NR2F1-AS1: variants seen among roughly 807,000 people sequenced by gnomAD.
NR2F1-AS1 encodes the protein NR2F1 regulatory antisense RNA 1, also known as NR2F1 antisense RNA 1.
chr5:93,561,222 G>A (rs944349134), intron 2 of NR2F1-AS1, among the ~76,000 whole-genome samples: 1 of 145,698 alleles, frequency 6.9e-6, no homozygotes, highest in Non-Finnish European at 1.5e-5. Context: ...GCGGTAAGCC[G>A]AGATCGCACA....
intron 4 of NR2F1-AS1, among the ~76,000 whole-genome samples, chr5:93,469,424 T>C (rs896479131): frequency 2.6e-5 from 4 of 152,138 alleles, no homozygotes; most frequent in Non-Finnish European, 5.9e-5. Flanking sequence ...TGGTCCATCA[T>C]TGACTGAAAC....
chr5:93,437,925 A>G (rs1279125888), intron 4 of NR2F1-AS1, among the ~76,000 whole-genome samples: 2 of 152,208 alleles, frequency 1.3e-5, no homozygotes, highest in Admixed American at 6.5e-5. Flanking sequence ...CAAAATGGAA[A>G]GCATTCTCTT....
chr5:93,488,134 A>T (rs1220384814), intron 4 of NR2F1-AS1, among the ~76,000 whole-genome samples: 2 of 152,248 alleles, frequency 1.3e-5, no homozygotes, highest in Non-Finnish European at 1.5e-5. Flanking sequence ...AAAACCATAA[A>T]AACCCTAGAA....
At chr5:93,517,982 G>A (rs1465902605) in intron 4 of NR2F1-AS1, among the ~76,000 whole-genome samples, 5 of 151,954 alleles carry the variant, frequency 3.3e-5, no homozygotes, top group Non-Finnish European at 7.4e-5. Flanking sequence ...TTTTCAAAGA[G>A]ACAAGGTCTT....
intron 4 of NR2F1-AS1, among the ~76,000 whole-genome samples, chr5:93,524,755 C>T (rs538872000): frequency 6.6e-6 from 1 of 152,268 alleles, no homozygotes; most frequent in African/African-American, 2.4e-5. Flanking sequence ...TCCAGCCAAA[C>T]TAAGCTTCAT....
chr5:93,514,455 T>C (rs1751362309), intron 4 of NR2F1-AS1, among the ~76,000 whole-genome samples: 1 of 152,096 alleles, frequency 6.6e-6, no homozygotes, highest in African/African-American at 2.4e-5. Context: ...ATGAAATTCA[T>C]TCAGGGAGCT....
At chr5:93,461,184 G>A (rs1750083133) in intron 4 of NR2F1-AS1, among the ~76,000 whole-genome samples, 1 of 152,184 alleles carries the variant, frequency 6.6e-6, no homozygotes, top group Non-Finnish European at 1.5e-5. Flanking sequence ...TCCTTTGCAA[G>A]ACATGGATGG....
chr5:93,560,470 A>G (rs1295556528), intron 2 of NR2F1-AS1, among the ~76,000 whole-genome samples: 1 of 152,232 alleles, frequency 6.6e-6, no homozygotes, highest in African/African-American at 2.4e-5. Flanking sequence ...TGTCGTTGAC[A>G]TTAGTTGGTA....
chr5:93,581,444 A>G (rs957885519), upstream of NR2F1-AS1: 5 of 152,124 alleles, frequency 3.3e-5, no homozygotes, highest in Non-Finnish European at 7.4e-5. Flanking sequence ...AAAAAAATCC[A>G]TTGAAAGAAT....
chr5:93,573,042 C>G (rs994686559), intron 1 of NR2F1-AS1, among the ~76,000 whole-genome samples: 3 of 152,210 alleles, frequency 2.0e-5, no homozygotes, highest in Non-Finnish European at 4.4e-5. Flanking sequence ...GCGCCCTAGA[C>G]CCGCGGCCTC....
chr5:93,438,906 A>G (rs1749499807), intron 4 of NR2F1-AS1, among the ~76,000 whole-genome samples: 1 of 152,234 alleles, frequency 6.6e-6, no homozygotes, highest in Admixed American at 6.5e-5. Flanking sequence ...TTCCTTATTC[A>G]TAAAAAGATT....
At chr5:93,502,848 A>G (rs1751112580) in intron 4 of NR2F1-AS1, among the ~76,000 whole-genome samples, 1 of 152,232 alleles carries the variant, frequency 6.6e-6, no homozygotes, top group Non-Finnish European at 1.5e-5. Context: ...TTGCTAAGAA[A>G]TATTATCAAA....
chr5:93,475,365 C>T (rs561565721), intron 4 of NR2F1-AS1, among the ~76,000 whole-genome samples: 2 of 152,098 alleles, frequency 1.3e-5, no homozygotes, highest in East Asian at 3.9e-4. Flanking sequence ...AAAGTCAACT[C>T]TAGAAAAAAA....
chr5:93,555,861 T>C (rs554031892), intron 2 of NR2F1-AS1, among the ~76,000 whole-genome samples: 4 of 152,192 alleles, frequency 2.6e-5, no homozygotes, highest in Non-Finnish European at 5.9e-5. Context: ...CATGTGAAAA[T>C]ATTAATAATG....
At chr5:93,514,242 C>T (rs2149892313) in intron 4 of NR2F1-AS1, among the ~76,000 whole-genome samples, 1 of 152,206 alleles carries the variant, frequency 6.6e-6, no homozygotes, top group South Asian at 2.1e-4. Context: ...TTTCTAGTAA[C>T]ACCCAATGCT....
intron 4 of NR2F1-AS1, among the ~76,000 whole-genome samples, chr5:93,489,494 T>C (rs987003786): frequency 2.0e-5 from 3 of 152,150 alleles, no homozygotes; most frequent in African/African-American, 2.4e-5. Context: ...AACTTTTATA[T>C]GTACTGGGAA....
intron 4 of NR2F1-AS1, among the ~76,000 whole-genome samples, chr5:93,447,248 C>A (rs1399545849): frequency 6.6e-6 from 1 of 152,116 alleles, no homozygotes; most frequent in Non-Finnish European, 1.5e-5. Context: ...AAAGAAACTA[C>A]CATCAGAGTG....
chr5:93,458,988 A>G lies in NR2F1-AS1; in HGVS notation n.639-63446T>C, dbSNP rs900910363. Among the ~76,000 whole-genome samples, 7 of 152,192 alleles carry G rather than the reference A, an allele frequency of 4.6e-5. No individual in the cohort carries two copies. In the East Asian group the frequency reaches 1.4e-3, roughly 29 times the overall value. The stretch of plus-strand genomic sequence containing the variant: ...GATCACACCATTGCACTCCAGCCTG[A>G]GCGACAGAGTGAGACTTCATCTCAA... On this transcript the variant is annotated intron_variant and non_coding_transcript_variant, in intron 4 of 5. Coordinates refer to ENST00000660523, the Ensembl canonical transcript of NR2F1-AS1.
chr5:93,485,611 G>C (rs1016500251), intron 4 of NR2F1-AS1, among the ~76,000 whole-genome samples: 23 of 152,242 alleles, frequency 1.5e-4, no homozygotes, highest in African/African-American at 5.5e-4. Flanking sequence ...ACTAAGATCA[G>C]AGCAGAACTG....
Sources: gnomAD v4.1 joint callset for allele counts (sites outside exome capture counted in the v4.1 genomes callset) on GRCh38, gnomAD v4.1.1 for gene constraint, MANE v1.5 for transcripts, NCBI Gene and HGNC (gene_info 2026-07-23, HGNC 2026-07-21) for gene names.